The following MAP1B variants were observed in gnomAD, a reference collection of about 807,000 sequenced individuals.
The protein encoded by MAP1B is microtubule-associated protein 1B.
In MAP1B, 12 loss-of-function variants were observed where a neutral mutation model predicts 176.1. That is an observed-to-expected ratio of 0.07 (90% CI 0.04 to 0.11). MAP1B has a LOEUF of 0.11. Among genes scored for constraint, MAP1B ranks in the 10% least tolerant of loss-of-function variants. The pLI is 1.00. For missense variants in MAP1B, 2,523 were observed against 2,990.5 expected, an observed-to-expected ratio of 0.84 and a Z score of 3.65; for synonymous variants, 1,044 against 1,135.0, an observed-to-expected ratio of 0.92 and a Z score of 1.61.
At chr5:72,188,441 T>G (rs1229039633) in intron 4 of MAP1B, among the ~76,000 whole-genome samples, 1 of 152,178 alleles carries the variant, frequency 6.6e-6, no homozygotes, top group Non-Finnish European at 1.5e-5. Context: ...TCCTGTGCAG[T>G]TCTGTAGTTA....
intron 2 of MAP1B, among the ~76,000 whole-genome samples, chr5:72,157,932 C>CG (rs1561301159): frequency 1.3e-5 from 2 of 152,042 alleles, no homozygotes; most frequent in African/African-American, 4.8e-5. Context: ...CTCAGCCTCC[C>CG]GGGTCCAAGC....
At chr5:72,193,729 C>T (rs1747080064) in intron 4 of MAP1B, 137 bp from the exon 5 acceptor site, 11 of 950,858 alleles carry the variant, frequency 1.2e-5, no homozygotes, top group Non-Finnish European at 1.7e-5. Context: ...ACCAACATCA[C>T]TATGAGAGTG....
At chr5:72,107,852 A>AGAAAGGGTCTG in intron 1 of MAP1B, 137 bp downstream of exon 1, 1 of 856,650 alleles carries the variant, frequency 1.2e-6, no homozygotes, top group Non-Finnish European at 1.8e-6. Context: ...TACTTGGTCC[A>AGAAAGGGTCTG]GACCCTTTCT....
intron 1 of MAP1B, among the ~76,000 whole-genome samples, chr5:72,114,749 C>G (rs970321040): frequency 2.6e-5 from 4 of 152,328 alleles, no homozygotes; most frequent in African/African-American, 9.6e-5. Flanking sequence ...AGAAAGAGGA[C>G]AGTGGGAGGA....
Position 72,195,624 on chromosome 5 carries a change from C to T in MAP1B, c.2269C>T (p.Pro757Ser). 1 of 1,614,190 alleles carries T rather than the reference C, an allele frequency of 6.2e-7. No individual in the cohort carries two copies. The highest frequency in any genetic ancestry group is 8.5e-7 in the Non-Finnish European group (1 of 1,180,034). The part of the protein sequence containing the change: ...SEAKKPAALK[P>S]KVPKKEESVK... ...AGCAAAAAAACCAGCTGCTTTAAAACCAAAAGTACCCAAGAAGGAAGAGTC... is the reference window on the plus strand; with the variant it reads ...AGCAAAAAAACCAGCTGCTTTAAAATCAAAAGTACCCAAGAAGGAAGAGTC... The change falls in exon 5 of 7, where the codon CCA becomes TCA. Residue 757 changes from proline to serine, a missense_variant. Pro to Ser is a moderately conservative substitution (Grantham distance 74, BLOSUM62 -1). Coordinates refer to ENST00000296755, the MANE Select transcript of MAP1B (RefSeq NM_005909.5).
chr5:72,162,215 A>G (rs1746341362), intron 2 of MAP1B, among the ~76,000 whole-genome samples: 1 of 152,138 alleles, frequency 6.6e-6, no homozygotes, highest in South Asian at 2.1e-4. Flanking sequence ...GATTGGCGAG[A>G]GATGAGTGTC....
chr5:72,174,128 T>A (rs1414710723), intron 2 of MAP1B, among the ~76,000 whole-genome samples: 2 of 152,200 alleles, frequency 1.3e-5, no homozygotes, highest in Non-Finnish European at 2.9e-5. Context: ...AGAAACCTCG[T>A]CTCAAAATAA....
intron 2 of MAP1B, among the ~76,000 whole-genome samples, chr5:72,172,593 T>C (rs1169253486): frequency 6.6e-6 from 1 of 152,232 alleles, no homozygotes; most frequent in Non-Finnish European, 1.5e-5. Context: ...TCAATGGCAG[T>C]AGTTTGATGG....
rs1747414352 is a variant in MAP1B at position 72,204,989 on chromosome 5, C to G, written c.7252-95C>G. The stretch of plus-strand genomic sequence containing the variant: ...AGAAAAGTTTTCTCTCATTTCCCTT[C>G]TTCTTCCAGTGGTCTAATACCTTGC... On this transcript the variant is annotated intron_variant, in intron 6 of 6. Coordinates refer to ENST00000296755, the MANE Select transcript of MAP1B (RefSeq NM_005909.5). The surrounding 1 kb of genome is among the most constrained non-coding windows in gnomAD (Gnocchi z 4.4). The G allele has an allele frequency of 1.2e-6, 1 of 830,528 alleles. No individual in the cohort carries two copies. The highest frequency in any genetic ancestry group is 1.9e-5 in the African/African-American group (1 of 53,068). 51.4% of individuals were successfully genotyped at this position (830,528 alleles called of 1,614,324 possible). A position where few individuals can be genotyped will look rare whatever the true frequency, so the allele number is the denominator to read the frequency against.
intron 4 of MAP1B, among the ~76,000 whole-genome samples, chr5:72,191,503 A>G (rs952311865): frequency 1.4e-4 from 22 of 152,206 alleles, no homozygotes; most frequent in Non-Finnish European, 3.1e-4. Context: ...ACAGGTCTGG[A>G]AAGAGGCTGT....
At chr5:72,185,980 C>T (rs1036386264) in intron 3 of MAP1B, among the ~76,000 whole-genome samples, 13 of 152,334 alleles carry the variant, frequency 8.5e-5, no homozygotes, top group African/African-American at 2.9e-4. Flanking sequence ...TTAGCGCAAA[C>T]CATGTGCAAT....
intron 2 of MAP1B, among the ~76,000 whole-genome samples, chr5:72,158,889 G>A (rs1746277469): frequency 6.6e-6 from 1 of 152,194 alleles, no homozygotes; most frequent in Admixed American, 6.5e-5. Flanking sequence ...TATGCAGAAA[G>A]TTAGAGATTT....
At chr5:72,129,257 A>T (rs1745683194) in intron 2 of MAP1B, among the ~76,000 whole-genome samples, 1 of 152,212 alleles carries the variant, frequency 6.6e-6, no homozygotes, top group African/African-American at 2.4e-5. Flanking sequence ...GAAGCATTAG[A>T]AGATCCAAGT....
chr5:72,127,603 T>C (rs1317668888), intron 2 of MAP1B, among the ~76,000 whole-genome samples: 2 of 152,146 alleles, frequency 1.3e-5, no homozygotes, highest in African/African-American at 4.8e-5. Context: ...ACTTAAAGTA[T>C]AATTTTAAAA....
At chr5:72,122,785 C>CCCAGGAG (rs56998148) in intron 2 of MAP1B, among the ~76,000 whole-genome samples, 3,651 of 152,008 alleles carry the variant, frequency 0.024, 171 homozygotes, top group African/African-American at 0.083. Flanking sequence ...GCTGCCTGGG[C>CCCAGGAG]CCAGGAGCCA....
At chr5:72,108,902 C>T (rs970265478) in intron 1 of MAP1B, among the ~76,000 whole-genome samples, 1 of 152,228 alleles carries the variant, frequency 6.6e-6, no homozygotes, top group Non-Finnish European at 1.5e-5. Context: ...GGTCCCTCCG[C>T]AGCCCCAGCC....
At chr5:72,145,764 C>T (rs1746033662) in intron 2 of MAP1B, among the ~76,000 whole-genome samples, 1 of 152,186 alleles carries the variant, frequency 6.6e-6, no homozygotes, top group Non-Finnish European at 1.5e-5. Flanking sequence ...TTATGATATG[C>T]CCAGCGGTCA....
At chr5:72,126,411 A>G (rs1370653842) in intron 2 of MAP1B, among the ~76,000 whole-genome samples, 1 of 152,214 alleles carries the variant, frequency 6.6e-6, no homozygotes, top group Non-Finnish European at 1.5e-5. Context: ...AAACTGTGAC[A>G]TACTCCATCT....
intron 2 of MAP1B, among the ~76,000 whole-genome samples, chr5:72,180,342 T>C (rs1746740138): frequency 6.6e-6 from 1 of 152,182 alleles, no homozygotes; most frequent in African/African-American, 2.4e-5. Context: ...TTCCTTCTCC[T>C]TGGTCTTAAG....
Sources: allele counts gnomAD v4.1 joint callset (sites outside exome capture counted in the v4.1 genomes callset), GRCh38; gene constraint gnomAD v4.1.1; non-coding constraint Gnocchi (gnomAD v3.1); transcripts MANE v1.5; gene names NCBI Gene and HGNC (gene_info 2026-07-23, HGNC 2026-07-21).